The following FNDC3B variants were observed in gnomAD, a reference collection of about 807,000 sequenced individuals.
The protein encoded by FNDC3B is fibronectin type III domain containing 3B.
FNDC3B carries 12 observed loss-of-function variants against 151.5 expected under a neutral mutation model. The ratio of observed to expected loss-of-function variants is 0.08; its 90% CI spans 0.05 to 0.13. The LOEUF (loss-of-function observed/expected upper bound fraction) is 0.13. Ranked by LOEUF, FNDC3B falls within the 10% of genes least tolerant of loss-of-function variation. The pLI is 1.00. For missense variants in FNDC3B, 1,214 were observed against 1,505.3 expected, an observed-to-expected ratio of 0.81 and a Z score of 3.20; for synonymous variants, 528 against 549.0, an observed-to-expected ratio of 0.96 and a Z score of 0.54.
At chr3:172,196,655 T>A (rs1468886709) in intron 3 of FNDC3B, among the ~76,000 whole-genome samples, 1 of 152,004 alleles carries the variant, frequency 6.6e-6, no homozygotes, top group Non-Finnish European at 1.5e-5. Flanking sequence ...GAGAGCTTGG[T>A]GAAAGGTTCC....
At chr3:172,107,603 G>A (rs1719723660) in intron 1 of FNDC3B, among the ~76,000 whole-genome samples, 1 of 152,144 alleles carries the variant, frequency 6.6e-6, no homozygotes, top group African/African-American at 2.4e-5. Flanking sequence ...TAGTCAGGGT[G>A]GTTTCTACTG....
chr3:172,369,594 C>T (rs1160956767), intron 23 of FNDC3B, among the ~76,000 whole-genome samples: 1 of 152,068 alleles, frequency 6.6e-6, no homozygotes, highest in African/African-American at 2.4e-5. Flanking sequence ...AGTATTACAA[C>T]CTGATCACTC....
intron 3 of FNDC3B, among the ~76,000 whole-genome samples, chr3:172,158,117 G>A (rs2108612942): frequency 6.6e-6 from 1 of 152,308 alleles, no homozygotes; most frequent in African/African-American, 2.4e-5. Context: ...CCAGTCTCCA[G>A]AACCATGAGC....
intron 1 of FNDC3B, among the ~76,000 whole-genome samples, chr3:172,080,805 C>T (rs1256056402): frequency 6.6e-6 from 1 of 152,198 alleles, no homozygotes; most frequent in Non-Finnish European, 1.5e-5. Flanking sequence ...GTTAAGGGCA[C>T]CTCATGTGTT....
intron 3 of FNDC3B, among the ~76,000 whole-genome samples, chr3:172,175,341 T>A (rs933086740): frequency 1.3e-5 from 2 of 151,436 alleles, no homozygotes; most frequent in African/African-American, 4.9e-5. Flanking sequence ...TTTAAGTGCT[T>A]TTTTTCCTCA....
chr3:172,387,789 T>C (rs944035214), intron 25 of FNDC3B, among the ~76,000 whole-genome samples: 3 of 152,154 alleles, frequency 2.0e-5, no homozygotes, highest in Admixed American at 6.5e-5. Flanking sequence ...CCTGGCATAG[T>C]CAGTACTCTA....
At chr3:172,135,647 T>C (rs1263213899) in intron 3 of FNDC3B, among the ~76,000 whole-genome samples, 1 of 152,150 alleles carries the variant, frequency 6.6e-6, no homozygotes, top group Non-Finnish European at 1.5e-5. Context: ...GAATGAGGAC[T>C]AGGACCTGGA....
chr3:172,288,881 A>G (rs1730165867), intron 7 of FNDC3B, among the ~76,000 whole-genome samples: 1 of 152,202 alleles, frequency 6.6e-6, no homozygotes, highest in Non-Finnish European at 1.5e-5. Flanking sequence ...GTGTAAGTGT[A>G]TCCAGGTTGC....
At chr3:172,263,219 AT>A (rs1258388979) in intron 6 of FNDC3B, among the ~76,000 whole-genome samples, 2 of 151,682 alleles carry the variant, frequency 1.3e-5, no homozygotes, top group East Asian at 1.9e-4. Context: ...ACAGTTAAAA[AT>A]TTTTTTTCAT....
At chr3:172,191,963 G>A (rs1724531866) in intron 3 of FNDC3B, among the ~76,000 whole-genome samples, 1 of 152,156 alleles carries the variant, frequency 6.6e-6, no homozygotes, top group African/African-American at 2.4e-5. Flanking sequence ...TGGCCCTGAA[G>A]TGTGGTCGGG....
At chr3:172,066,971 A>G (rs1717531377) in intron 1 of FNDC3B, among the ~76,000 whole-genome samples, 1 of 152,146 alleles carries the variant, frequency 6.6e-6, no homozygotes, top group South Asian at 2.1e-4. Context: ...GACATACACA[A>G]TATTCTCTTA....
At chr3:172,177,626 CTTT>C (rs10684671) in intron 3 of FNDC3B, among the ~76,000 whole-genome samples, 81 of 84,836 alleles carry the variant, frequency 9.5e-4, no homozygotes, top group African/African-American at 2.2e-3. Context: ...TTACCACCAT[CTTT>C]TTTTTTTTTT....
intron 18 of FNDC3B, among the ~76,000 whole-genome samples, chr3:172,343,797 C>T (rs1031074771): frequency 6.6e-6 from 1 of 152,082 alleles, no homozygotes; most frequent in Non-Finnish European, 1.5e-5. Context: ...CTTCCATTTA[C>T]CTAGCATTAG....
At position 172,352,924 on chromosome 3, in the gene FNDC3B, C is replaced by T; in HGVS notation, c.2636C>T (p.Pro879Leu). 13 of 1,614,196 alleles carry T rather than the reference C, an allele frequency of 8.1e-6. No individual in the cohort carries two copies. The highest frequency in any genetic ancestry group is 1.1e-5 in the Non-Finnish European group (13 of 1,180,032). ...GAGGAGGAGCCCCTTGATGCCTACC[C>T]TGATTCACCTTCTGCGTGCCTTGTA... is the stretch of plus-strand genomic sequence containing the variant. Reference protein sequence around the residue: ...VLEEEPLDAYPDSPSACLVLN... With the variant: ...VLEEEPLDAYLDSPSACLVLN... The change falls in exon 22 of 26, where the codon CCT becomes CTT. Residue 879 changes from proline (P) to leucine (L), a missense_variant. Pro to Leu is a moderately conservative substitution (Grantham distance 98). Around this residue, in one of 7 missense-constraint regions of FNDC3B, gnomAD observed 380 missense variants for 420.9 expected, o/e 0.90. Coordinates refer to ENST00000415807, the MANE Select transcript of FNDC3B (RefSeq NM_022763.4). The surrounding 1 kb of genome is among the most constrained non-coding windows in gnomAD (Gnocchi z 4.2).
intron 4 of FNDC3B, among the ~76,000 whole-genome samples, chr3:172,237,119 C>G (rs1302878692): frequency 6.6e-6 from 1 of 152,194 alleles, no homozygotes. Context: ...AGAGTGTCTT[C>G]TTATACTGAT....
At chr3:172,187,619 G>A (rs952706311) in intron 3 of FNDC3B, among the ~76,000 whole-genome samples, 1 of 152,186 alleles carries the variant, frequency 6.6e-6, no homozygotes, top group Admixed American at 6.5e-5. Context: ...AAAACATATT[G>A]CAGATGTGTT....
intron 3 of FNDC3B, chr3:172,186,891 T>C (rs1724215165): frequency 3.7e-6 from 2 of 547,254 alleles, no homozygotes; most frequent in Admixed American, 7.0e-5. Flanking sequence ...GTTCTGTGAC[T>C]TGAGTTTCAA....
chr3:172,063,979 T>C (rs1717356370), intron 1 of FNDC3B, among the ~76,000 whole-genome samples: 1 of 152,068 alleles, frequency 6.6e-6, no homozygotes, highest in Non-Finnish European at 1.5e-5. Flanking sequence ...TTCACGCCCT[T>C]ATAAAAGAAG....
At chr3:172,359,111 A>G (rs926473717) in intron 22 of FNDC3B, among the ~76,000 whole-genome samples, 1 of 152,042 alleles carries the variant, frequency 6.6e-6, no homozygotes, top group African/African-American at 2.4e-5. Flanking sequence ...AGATATAAAG[A>G]ACCTAGTACT....
Sources: gnomAD v4.1 joint callset for allele counts (sites outside exome capture counted in the v4.1 genomes callset) on GRCh38, gnomAD v4.1.1 for gene constraint, gnomAD v4.1.1 regional missense constraint, Gnocchi (gnomAD v3.1) non-coding constraint, MANE v1.5 for transcripts, NCBI Gene and HGNC (gene_info 2026-07-23, HGNC 2026-07-21) for gene names.